Variants in ODF2 observed in about 807,000 individuals in gnomAD.
The protein encoded by ODF2 is outer dense fiber of sperm tails 2.
Under a neutral mutation model 110.2 loss-of-function variants are expected in ODF2, and 47 were observed. The observed-to-expected ratio is 0.43, with a 90% CI of 0.34 to 0.54. The LOEUF (loss-of-function observed/expected upper bound fraction) is 0.54. ODF2 is among the 20% of genes least tolerant of loss of function. The pLI is 0.03. For missense variants in ODF2, 812 were observed against 1,054.5 expected (o/e 0.77, Z 3.19); for synonymous variants, 352 against 397.7 (o/e 0.89, Z 1.37).
chr9:128,483,796 G>A lies in ODF2; in HGVS notation c.988-142G>A, dbSNP rs1296758622. 3 of 687,954 alleles carry A rather than the reference G, an allele frequency of 4.4e-6. No homozygotes were observed. The African/African-American group carries it at 5.3e-5, about 12-fold the overall frequency. 42.6% of individuals were successfully genotyped at this position (687,954 alleles called of 1,614,324 possible). On this transcript the variant is annotated intron_variant, in intron 10 of 20. Coordinates refer to ENST00000604420, the Ensembl canonical transcript of ODF2. ...AGCTACTCAGGAGGCTGAGGCGGGA[G>A]AATCGCTGGAGCCCAAGAGGTGGAG...
Position 128,493,241 on chromosome 9 carries a change from C to T in ODF2, c.1752+436C>T, listed in dbSNP as rs558155099. Among the ~76,000 whole-genome samples, 200 of 152,024 alleles carry T rather than the reference C, an allele frequency of 1.3e-3. 2 individuals are homozygous for T. The highest frequency in any genetic ancestry group is 4.5e-3 in the African/African-American group (185 of 41,460). ...TCTCTACTAAAAATACAAAATTAGCCGGGTCTGGTGGCGCATGCCTGTAAT... is the reference window on the plus strand; with the variant it reads ...TCTCTACTAAAAATACAAAATTAGCTGGGTCTGGTGGCGCATGCCTGTAAT... On this transcript the variant is annotated intron_variant, in intron 16 of 20. Transcript: ENST00000604420.
At chr9:128,484,112 T>A in intron 11 of ODF2, 58 bp downstream of exon 11, 1 of 1,271,494 alleles carries the variant, frequency 7.9e-7, no homozygotes, top group Non-Finnish European at 1.1e-6. Context: ...AATTTGATGG[T>A]AGCGGCCTGG....
chr9:128,479,948 C>T (rs1048219026), intron 8 of ODF2, among the ~76,000 whole-genome samples: 6 of 152,062 alleles, frequency 3.9e-5, no homozygotes, highest in African/African-American at 1.4e-4. Flanking sequence ...TACTAAATGC[C>T]ACTGAATTTT....
chr9:128,477,436 C>G (rs946626790), intron 8 of ODF2, among the ~76,000 whole-genome samples: 10 of 151,834 alleles, frequency 6.6e-5, no homozygotes, highest in Admixed American at 5.3e-4. Context: ...ATAGTCCTAG[C>G]TACTCGGGAG....
At position 128,470,048 on chromosome 9, in the gene ODF2, A is replaced by ATATATAT. The variant is rs1554829182; in HGVS notation, c.420+695_420+696insTATATAT. Among the ~76,000 whole-genome samples, 9 of 81,870 alleles carry ATATATAT rather than the reference A, an allele frequency of 1.1e-4. No individual in the cohort carries two copies. In the East Asian group the frequency reaches 3.7e-3, roughly 34 times the overall value. The allele number at this position is 81,870 out of a possible 152,430, so 53.7% of individuals were successfully genotyped here. On this transcript the variant is annotated intron_variant, in intron 5 of 20. Transcript: ENST00000604420. ...ATATATATATATATATATATATATA[A>ATATATAT]ATAAAAAAATTAACAAAAACAAAGC...
In ODF2 at chr9:128,460,284, A is replaced by T. The variant is rs987355185; in HGVS notation, c.123+627A>T. On this transcript the variant is annotated intron_variant, in intron 3 of 20. Transcript: ENST00000604420. The stretch of plus-strand genomic sequence containing the variant: ...AAGAACCCTGGGGCCGGCGTCTGGG[A>T]TCTGTTCTGGAACGGGTGGGTCTTG... The T allele has an allele frequency of 5.1e-6, 7 of 1,378,936 alleles. No homozygotes were observed. In the African/African-American group the frequency reaches 1.0e-4, roughly 20 times the overall value. 85.4% of individuals were successfully genotyped at this position (1,378,936 alleles called of 1,614,324 possible). A position where few individuals can be genotyped will look rare whatever the true frequency, so the allele number is the denominator to read the frequency against.
chr9:128,499,702 T>G (rs535711850), intron 20 of ODF2, among the ~76,000 whole-genome samples: 1 of 152,246 alleles, frequency 6.6e-6, no homozygotes, highest in East Asian at 1.9e-4. Flanking sequence ...TTCAAACTCC[T>G]GGGGTCAAGT....
chr9:128,483,692 C>T (rs1010988478), intron 10 of ODF2, among the ~76,000 whole-genome samples: 1 of 151,930 alleles, frequency 6.6e-6, no homozygotes, highest in Non-Finnish European at 1.5e-5. Flanking sequence ...CGAGACCAGT[C>T]TGGCCAACAT....
chr9:128,463,486 T>C (rs1366453771), intron 4 of ODF2, among the ~76,000 whole-genome samples: 1 of 152,170 alleles, frequency 6.6e-6, no homozygotes, highest in African/African-American at 2.4e-5. Flanking sequence ...GGTGCAGTGG[T>C]ACGCACTTGT....
At chr9:128,487,643 C>T (rs534431947) in intron 13 of ODF2, among the ~76,000 whole-genome samples, 2 of 152,096 alleles carry the variant, frequency 1.3e-5, no homozygotes, top group South Asian at 2.1e-4. Context: ...AGAACTTAGC[C>T]GGGCGTGGCG....
At chr9:128,465,231 C>T (rs1837529976) in intron 4 of ODF2, among the ~76,000 whole-genome samples, 1 of 152,134 alleles carries the variant, frequency 6.6e-6, no homozygotes, top group South Asian at 2.1e-4. Flanking sequence ...TTCCACTTGC[C>T]AGTGGCTTCC....
At chr9:128,483,293 CT>C (rs1842768604) in intron 10 of ODF2, among the ~76,000 whole-genome samples, 1 of 152,128 alleles carries the variant, frequency 6.6e-6, no homozygotes, top group African/African-American at 2.4e-5. Context: ...ATGTCTGGCA[CT>C]TTTTCGAGAC....
In ODF2 at chr9:128,494,706, G is replaced by A. The variant is rs756855740; in HGVS notation, c.1911+38G>A. On this transcript the variant is annotated intron_variant, in intron 17 of 20. Transcript: ENST00000604420. This position sits in a 1 kb window ranked among gnomAD's most constrained non-coding sequence, Gnocchi z 4.6. Reference sequence around the variant, plus strand: ...CAGAAAGGGTCCCACGAACTGACCCGAGCAGGGGCCCGCATACCAAGATGA... The same window carrying A: ...CAGAAAGGGTCCCACGAACTGACCCAAGCAGGGGCCCGCATACCAAGATGA... 13 of 1,614,034 alleles carry A rather than the reference G, an allele frequency of 8.1e-6. No homozygotes were observed. Among genetic ancestry groups the A allele is most frequent in the East Asian group, 4.5e-5 (2 of 44,894 alleles).
At chr9:128,498,458 G>A in exon 19 of ODF2, 1 of 1,612,982 alleles carries the variant, frequency 6.2e-7, no homozygotes, top group South Asian at 1.1e-5. Flanking sequence ...TCCTACAGGT[G>A]ATTGCCAAGA....
chr9:128,486,404 G>A (rs1843361351), intron 13 of ODF2, among the ~76,000 whole-genome samples: 1 of 152,224 alleles, frequency 6.6e-6, no homozygotes, highest in African/African-American at 2.4e-5. Flanking sequence ...ATGTCTTGAA[G>A]TCTGAACTGG....
chr9:128,500,083 A>G (rs774988758), exon 21 of ODF2: 2 of 1,614,266 alleles, frequency 1.2e-6, no homozygotes, highest in Non-Finnish European at 1.7e-6. Flanking sequence ...CGCCGCTACC[A>G]GAGCCGGCTG....
chr9:128,492,512 G>A (rs1331018035), exon 15 of ODF2: 3 of 1,613,548 alleles, frequency 1.9e-6, no homozygotes, highest in Non-Finnish European at 8.5e-7. Context: ...ACTATGAGGG[G>A]ATGATTGACA....
intron 10 of ODF2, 123 bp downstream of exon 10, chr9:128,483,010 C>T: frequency 1.4e-6 from 1 of 720,480 alleles, no homozygotes. Context: ...ATTCTCCTGC[C>T]TCAGCCTCCC....
rs985345026 is a variant in ODF2, at chr9:128,457,333, C to T, written c.-73C>T. ...GCCCCTTGAGAGGCTCATTGACAAG[C>T]CTGCCCCTCTGGGTCCCCCTGAGCA... is the stretch of plus-strand genomic sequence containing the variant. On this transcript the variant is annotated 5_prime_UTR_variant, in exon 2 of 21. Transcript: ENST00000604420. The T allele has an allele frequency of 2.5e-6, 4 of 1,610,088 alleles. No homozygotes were observed. In the Admixed American group the frequency reaches 5.0e-5, roughly 20 times the overall value.
Sources: allele counts gnomAD v4.1 joint callset (sites outside exome capture counted in the v4.1 genomes callset), GRCh38; gene constraint gnomAD v4.1.1; non-coding constraint Gnocchi (gnomAD v3.1); transcripts MANE v1.5; gene names NCBI Gene and HGNC (gene_info 2026-07-23, HGNC 2026-07-21).